FAAP24: variants seen among roughly 807,000 people sequenced by gnomAD.
The protein encoded by FAAP24 is FA core complex associated protein 24.
In FAAP24, 16 loss-of-function variants were observed where a neutral mutation model predicts 14.3. The observed-to-expected ratio is 1.12, with a 90% confidence interval of 0.76 to 1.69. FAAP24 has a LOEUF of 1.69. Among genes scored for constraint, FAAP24 ranks in the 40% most tolerant of loss-of-function variants. FAAP24 has a pLI of 0.00. For synonymous variants in FAAP24, 111 were observed against 106.2 expected (o/e 1.04, Z -0.28); for missense variants, 234 against 262.7 (o/e 0.89, Z 0.75).
In FAAP24 at chr19:32,976,491, C is replaced by T; in HGVS notation, c.457C>T (p.Leu153=). 1.9e-6 allele frequency: 3 copies of T among 1,614,246 alleles called. No homozygotes were observed. The highest frequency in any genetic ancestry group is 1.7e-5 in the Admixed American group (1 of 60,028). The change falls in exon 5 of 5, where the codon CTG becomes TTG. Residue 153 remains leucine, a synonymous_variant. Transcript: ENST00000588258. ...NPLLGKKRAL[L]LSEPSLLRTV... ...TCTTCTCGGGAAGAAACGGGCCCTGCTGCTGTCTGAGCCTTCGCTCCTTCG... is the reference window on the plus strand; with the variant it reads ...TCTTCTCGGGAAGAAACGGGCCCTGTTGCTGTCTGAGCCTTCGCTCCTTCG...
intron 4 of FAAP24, among the ~76,000 whole-genome samples, chr19:32,974,767 G>T (rs1971493938): frequency 6.6e-6 from 1 of 152,062 alleles, no homozygotes; most frequent in African/African-American, 2.4e-5. Context: ...TGAGCAACAG[G>T]AGCGAAACTT....
At chr19:32,976,007 G>GAT (rs923527308) in intron 4 of FAAP24, among the ~76,000 whole-genome samples, 3 of 152,172 alleles carry the variant, frequency 2.0e-5, no homozygotes, top group African/African-American at 7.2e-5. Flanking sequence ...AACTTTCCTT[G>GAT]ATATAACACT....
chr19:32,972,715 CTTTTTTTT>C (rs56020597), intron 1 of FAAP24, among the ~76,000 whole-genome samples: 18 of 100,740 alleles, frequency 1.8e-4, no homozygotes, highest in African/African-American at 6.1e-4. Context: ...TTTTTCTTTT[CTTTTTTTT>C]TTTTTTTTTT....
rs1446171532 is a variant in FAAP24, at chr19:32,976,460, G to A, written c.426G>A (p.Lys142=). Residue 142 remains lysine, a synonymous_variant, in exon 5 of 5, where the codon AAG becomes AAA. Coordinates refer to ENST00000588258, the MANE Select transcript of FAAP24 (RefSeq NM_152266.5). The stretch of plus-strand genomic sequence containing the variant: ...AAGAGCAAACCAAAGAGCCCAGTAA[G>A]AACCCTCTTCTCGGGAAGAAACGGG... ...LVQEQTKEPS[K]NPLLGKKRAL... is the part of the protein sequence containing the mutation. The A allele has an allele frequency of 1.9e-6, 3 of 1,614,114 alleles. No individual in the cohort carries two copies. In the African/African-American group the frequency reaches 4.0e-5, roughly 22 times the overall value.
At chr19:32,974,269 C>T (rs1599798242) in intron 4 of FAAP24, 57 bp downstream of exon 4, 1 of 1,542,644 alleles carries the variant, frequency 6.5e-7, no homozygotes, top group Middle Eastern at 1.7e-4. Context: ...CACTCAGCTG[C>T]TCTCCAGAAG....
At chr19:32,972,800 C>T (rs1352057742) in intron 1 of FAAP24, among the ~76,000 whole-genome samples, 3 of 150,706 alleles carry the variant, frequency 2.0e-5, no homozygotes, top group South Asian at 2.1e-4. Flanking sequence ...CTGCAACCTC[C>T]GCCTTCCGGA....
rs1331713135 is a variant in FAAP24 at position 32,973,712 on chromosome 19, G to T, written c.243+150G>T. 4 of 830,220 alleles carry T rather than the reference G, an allele frequency of 4.8e-6. No individual in the cohort carries two copies. The Admixed American group carries it at 1.1e-4, about 23-fold the overall frequency. The allele number at this position is 830,220 out of a possible 1,614,324, so 51.4% of individuals were successfully genotyped here. Reference sequence around the variant, plus strand: ...TCTGCTAAAAATACAAAAATTAGCTGAGTATGGTGGCGCACGCCTGTAATC... The same window carrying T: ...TCTGCTAAAAATACAAAAATTAGCTTAGTATGGTGGCGCACGCCTGTAATC... On this transcript the variant is annotated intron_variant, in intron 3 of 4. Transcript: ENST00000588258.
At chr19:32,973,963 T>A in intron 3 of FAAP24, 97 bp from the exon 4 acceptor site, 1 of 1,226,232 alleles carries the variant, frequency 8.2e-7, no homozygotes, top group Admixed American at 2.0e-5. Context: ...TATCATTTAT[T>A]TAAAATCATT....
At chr19:32,973,135 C>T (rs1599796432) in intron 1 of FAAP24, 49 bp from the exon 2 acceptor site, 2 of 1,447,492 alleles carry the variant, frequency 1.4e-6, no homozygotes, top group South Asian at 1.2e-5. Context: ...AATGCAGGGC[C>T]GTGTGCAGGA....
chr19:32,975,547 C>G (rs1477475921), intron 4 of FAAP24, among the ~76,000 whole-genome samples: 1 of 151,174 alleles, frequency 6.6e-6, no homozygotes, highest in African/African-American at 2.4e-5. Flanking sequence ...GCAACCTCCT[C>G]CTCCTGAGTT....
At position 32,977,052 on chromosome 19, in the gene FAAP24, CAAAAAAA is replaced by C. The variant is rs56403853; in HGVS notation, c.*380_*386del. The C allele has an allele frequency of 1.6e-4, 57 of 359,732 alleles. No homozygotes were observed. Among genetic ancestry groups the C allele is most frequent in the African/African-American group, 2.7e-4 (11 of 40,190 alleles). The allele number at this position is 359,732 out of a possible 1,614,324, so 22.3% of individuals were successfully genotyped here. A position where few individuals can be genotyped will look rare whatever the true frequency, so the allele number is the denominator to read the frequency against. On this transcript the variant is annotated 3_prime_UTR_variant, in exon 5 of 5. Transcript: ENST00000588258. ...CGAGACTCCGTCTCAAAGAAAACAA[CAAAAAAA>C]AAAAAAAAAGAAAAAGGATTTTCTC... is the stretch of plus-strand genomic sequence containing the variant.
In FAAP24 at chr19:32,973,184, G is replaced by C. The variant is rs756261771; in HGVS notation, c.-13G>C. The C allele has an allele frequency of 6.2e-7, 1 of 1,612,054 alleles. No individual in the cohort carries two copies. The highest frequency in any genetic ancestry group is 8.5e-7 in the Non-Finnish European group (1 of 1,179,614). On this transcript the variant is annotated splice_region_variant and 5_prime_UTR_variant, in exon 2 of 5. Coordinates refer to ENST00000588258, the MANE Select transcript of FAAP24 (RefSeq NM_152266.5). ...TGCCGCCTGGCTTTTCCCTCCTTAGGTGGAGACCATCCATGGAAAAGAACC... is the reference window on the plus strand; with the variant it reads ...TGCCGCCTGGCTTTTCCCTCCTTAGCTGGAGACCATCCATGGAAAAGAACC...
At chr19:32,972,715 C>CTTTTTTTT (rs56020597) in intron 1 of FAAP24, among the ~76,000 whole-genome samples, 302 of 100,686 alleles carry the variant, frequency 3.0e-3, no homozygotes, top group South Asian at 3.6e-3. Context: ...TTTTTCTTTT[C>CTTTTTTTT]TTTTTTTTTT....
chr19:32,977,918 CA>C lies in FAAP24; in HGVS notation c.*1254del, dbSNP rs749285710. On this transcript the variant is annotated 3_prime_UTR_variant, in exon 5 of 5. Coordinates refer to ENST00000588258, the MANE Select transcript of FAAP24 (RefSeq NM_152266.5). The stretch of plus-strand genomic sequence containing the variant: ...TGGATGACAGAGTGAGACTCCATCT[CA>C]AAAAAAAAAAAAAAAAATTTAAAGT... 0.17 allele frequency: 17,540 copies of C among 101,798 alleles called. 1,070 individuals are homozygous for C. The highest frequency in any genetic ancestry group is 0.22 in the Non-Finnish European group (11,329 of 51,144). 6.3% of individuals were successfully genotyped at this position (101,798 alleles called of 1,614,324 possible).
intron 4 of FAAP24, among the ~76,000 whole-genome samples, chr19:32,975,003 G>A (rs1971497724): frequency 6.6e-6 from 1 of 151,544 alleles, no homozygotes; most frequent in Admixed American, 6.6e-5. Context: ...AGCCTCCCGA[G>A]TAGCTGGGAC....
At position 32,977,050 on chromosome 19, in the gene FAAP24, AAC is replaced by A; in HGVS notation, c.*370_*371del. On this transcript the variant is annotated 3_prime_UTR_variant, in exon 5 of 5. Coordinates refer to ENST00000588258, the MANE Select transcript of FAAP24 (RefSeq NM_152266.5). The stretch of plus-strand genomic sequence containing the variant: ...AGCGAGACTCCGTCTCAAAGAAAAC[AAC>A]AAAAAAAAAAAAAAAAGAAAAAGGA... 2.6e-6 allele frequency: 1 copy of A among 377,614 alleles called. No homozygotes were observed. The highest frequency in any genetic ancestry group is 1.4e-4 in the South Asian group (1 of 7,294). 23.4% of individuals were successfully genotyped at this position (377,614 alleles called of 1,614,324 possible).
chr19:32,973,460 A>G lies in FAAP24; in HGVS notation c.141A>G (p.Thr47=). Residue 47 remains threonine (T), a synonymous_variant, in exon 3 of 5, where the codon ACA becomes ACG. Coordinates refer to ENST00000588258, the MANE Select transcript of FAAP24 (RefSeq NM_152266.5). Reference sequence around the variant, plus strand: ...AGCTCATTTTCGAGGATGGCTTGACACCAGACTTTTATCTGTCGAACAGAT... The same window carrying G: ...AGCTCATTTTCGAGGATGGCTTGACGCCAGACTTTTATCTGTCGAACAGAT... ...KIKLIFEDGL[T]PDFYLSNRCC... is the part of the protein sequence containing the mutation. 1 of 1,614,234 alleles carries G rather than the reference A, an allele frequency of 6.2e-7. No homozygotes were observed. The highest frequency in any genetic ancestry group is 8.5e-7 in the Non-Finnish European group (1 of 1,180,032).
At chr19:32,972,710 C>CTTTTTTTTTTTTTTTTTTTT (rs377681596) in intron 1 of FAAP24, among the ~76,000 whole-genome samples, 7 of 128,562 alleles carry the variant, frequency 5.4e-5, no homozygotes, top group South Asian at 2.6e-4. Context: ...TTTTCTTTTT[C>CTTTTTTTTTTTTTTTTTTTT]TTTTCTTTTT....
chr19:32,973,466 C>T lies in FAAP24; in HGVS notation c.147C>T (p.Asp49=), dbSNP rs760353712. The change falls in exon 3 of 5, where the codon GAC becomes GAT. Residue 49 remains aspartate, a synonymous_variant. Coordinates refer to ENST00000588258, the MANE Select transcript of FAAP24 (RefSeq NM_152266.5). ...TTTTCGAGGATGGCTTGACACCAGA[C>T]TTTTATCTGTCGAACAGATGCTGCA... ...KLIFEDGLTP[D]FYLSNRCCIL... 6 of 1,614,100 alleles carry T rather than the reference C, an allele frequency of 3.7e-6. No individual in the cohort carries two copies. The highest frequency in any genetic ancestry group is 2.7e-5 in the African/African-American group (2 of 74,928).
Sources: allele counts gnomAD v4.1 joint callset (sites outside exome capture counted in the v4.1 genomes callset), GRCh38; gene constraint gnomAD v4.1.1; transcripts MANE v1.5; gene names NCBI Gene and HGNC (gene_info 2026-07-23, HGNC 2026-07-21).